Variants in GRIK2 observed in about 807,000 individuals in gnomAD.
GRIK2 encodes glutamate ionotropic receptor kainate type subunit 2, also known as glutamate receptor ionotropic, kainate 2.
GRIK2 carries 32 observed loss-of-function variants against 100.3 expected under a neutral mutation model. That is an observed-to-expected ratio of 0.32 (90% CI 0.24 to 0.43). The LOEUF is 0.43. Ranked by LOEUF, GRIK2 falls within the 20% of genes least tolerant of loss-of-function variation. GRIK2 has a pLI of 1.00. For synonymous variants in GRIK2, 417 were observed against 389.4 expected (o/e 1.07, Z -0.83); for missense variants, 843 against 1,114.9 (o/e 0.76, Z 3.47).
chr6:101,559,089 G>A lies in GRIK2; in HGVS notation c.116-62860G>A, dbSNP rs185595219. 2.4e-4 allele frequency among the ~76,000 whole-genome samples: 36 copies of A among 152,018 alleles called. 1 individual carries two copies. The East Asian group carries it at 6.4e-3, about 27-fold the overall frequency. Reference sequence around the variant, plus strand: ...CAGTCATTCTCTTAAAATACTTGCTGTGTCTTCTGATCCCTATTTTCATAC... The same window carrying A: ...CAGTCATTCTCTTAAAATACTTGCTATGTCTTCTGATCCCTATTTTCATAC... On this transcript the variant is annotated intron_variant, in intron 2 of 16. Coordinates refer to ENST00000369134, the MANE Select transcript of GRIK2 (RefSeq NM_021956.5).
intron 2 of GRIK2, among the ~76,000 whole-genome samples, chr6:101,491,742 T>C (rs1197542928): frequency 2.6e-5 from 4 of 151,994 alleles, no homozygotes; most frequent in African/African-American, 9.7e-5. Flanking sequence ...ATTATCTTTA[T>C]CACAACTACC....
intron 2 of GRIK2, among the ~76,000 whole-genome samples, chr6:101,449,323 C>T (rs905740900): frequency 6.6e-6 from 1 of 151,536 alleles, no homozygotes; most frequent in Non-Finnish European, 1.5e-5. Flanking sequence ...TTTTTAAAAA[C>T]AACTGCATTA....
At chr6:101,858,941 T>C (rs1388534031) in intron 10 of GRIK2, among the ~76,000 whole-genome samples, 2 of 151,868 alleles carry the variant, frequency 1.3e-5, no homozygotes, top group African/African-American at 4.8e-5. Context: ...CATGGTGAAA[T>C]TAGATGTCGG....
intron 11 of GRIK2, among the ~76,000 whole-genome samples, chr6:101,864,726 T>A (rs1453496095): frequency 2.0e-5 from 3 of 152,292 alleles, no homozygotes; most frequent in Non-Finnish European, 2.9e-5. Context: ...ATTTTGTCTA[T>A]TCAACCCCAT....
chr6:101,843,532 G>T (rs1783637222), intron 10 of GRIK2, among the ~76,000 whole-genome samples: 1 of 152,056 alleles, frequency 6.6e-6, no homozygotes, highest in African/African-American at 2.4e-5. Flanking sequence ...GAAAATGAGG[G>T]ATCTCTTGTT....
intron 10 of GRIK2, among the ~76,000 whole-genome samples, chr6:101,836,138 C>G (rs1220339016): frequency 2.0e-5 from 3 of 151,814 alleles, no homozygotes; most frequent in Non-Finnish European, 4.4e-5. Flanking sequence ...CATTCTGATT[C>G]TTAACCTTTT....
chr6:102,012,721 T>A (rs1795613574), intron 14 of GRIK2, among the ~76,000 whole-genome samples: 1 of 152,078 alleles, frequency 6.6e-6, no homozygotes, highest in South Asian at 2.1e-4. Flanking sequence ...TTCTAATTGT[T>A]TATTGGTTCC....
intron 2 of GRIK2, among the ~76,000 whole-genome samples, chr6:101,435,433 T>G (rs772252509): frequency 6.6e-6 from 1 of 151,966 alleles, no homozygotes; most frequent in Non-Finnish European, 1.5e-5. Context: ...AAACAGACTT[T>G]TAAAATTGGG....
intron 2 of GRIK2, among the ~76,000 whole-genome samples, chr6:101,441,565 T>C (rs1341931977): frequency 6.6e-6 from 1 of 152,162 alleles, no homozygotes; most frequent in East Asian, 1.9e-4. Flanking sequence ...CATCAATAGT[T>C]CCACCTTGAT....
At chr6:101,717,998 A>C (rs1309466437) in intron 7 of GRIK2, among the ~76,000 whole-genome samples, 1 of 151,816 alleles carries the variant, frequency 6.6e-6, no homozygotes, top group Non-Finnish European at 1.5e-5. Flanking sequence ...CATATTTAAT[A>C]ATAAAATATT....
rs3029100 is a variant in GRIK2, at chr6:101,960,048, G to GTTTTT, written c.2085+31420_2085+31421insTTTTT. Among the ~76,000 whole-genome samples the GTTTTT allele has an allele frequency of 2.1e-3, 244 of 118,198 alleles. 8 individuals carry two copies. Among genetic ancestry groups the GTTTTT allele is most frequent in the African/African-American group, 4.7e-3 (132 of 28,026 alleles). The allele number at this position is 118,198 out of a possible 152,430, so 77.5% of individuals were successfully genotyped here. On this transcript the variant is annotated intron_variant, in intron 14 of 16. Coordinates refer to ENST00000369134, the MANE Select transcript of GRIK2 (RefSeq NM_021956.5). ...TTATTTCTCAAAGCCTTTTTTTAGT[G>GTTTTT]TTTTGTTTTTTTTTTTTTGTCTGAC...
At chr6:101,616,476 C>T (rs1199699946) in intron 2 of GRIK2, among the ~76,000 whole-genome samples, 2 of 151,580 alleles carry the variant, frequency 1.3e-5, no homozygotes, top group Admixed American at 1.3e-4. Flanking sequence ...CATGAAATAC[C>T]TTCTATAGAA....
chr6:101,429,134 A>AT (rs1243122002), intron 2 of GRIK2, among the ~76,000 whole-genome samples: 2 of 152,170 alleles, frequency 1.3e-5, no homozygotes, highest in African/African-American at 4.8e-5. Context: ...TGTCCCCATA[A>AT]TACCTACTGA....
chr6:101,432,532 A>G (rs1471838674), intron 2 of GRIK2, among the ~76,000 whole-genome samples: 1 of 152,198 alleles, frequency 6.6e-6, no homozygotes, highest in African/African-American at 2.4e-5. Flanking sequence ...ACAAAGATGA[A>G]TGGGGTTCTG....
At chr6:101,700,860 G>T (rs1772843541) in intron 7 of GRIK2, among the ~76,000 whole-genome samples, 1 of 152,096 alleles carries the variant, frequency 6.6e-6, no homozygotes. Flanking sequence ...GAGCCCAGGG[G>T]GCTCAAAGGA....
In GRIK2 at chr6:101,836,669, T is replaced by A. The variant is rs1341899297; in HGVS notation, c.1317+18186T>A. ...TATATATATATATATATATTTTTTT[T>A]TTTTTTTTTTTTTTGAGACAGAGTC... On this transcript the variant is annotated intron_variant, in intron 10 of 16. Transcript: ENST00000369134. 1.0e-2 allele frequency among the ~76,000 whole-genome samples: 1,133 copies of A among 113,716 alleles called. 21 individuals are homozygous for A. Among genetic ancestry groups the A allele is most frequent in the African/African-American group, 0.012 (390 of 31,860 alleles). 74.6% of individuals were successfully genotyped at this position (113,716 alleles called of 152,430 possible). A position where few individuals can be genotyped will look rare whatever the true frequency, so the allele number is the denominator to read the frequency against.
At chr6:101,710,786 G>A (rs940689053) in intron 7 of GRIK2, among the ~76,000 whole-genome samples, 3 of 151,658 alleles carry the variant, frequency 2.0e-5, no homozygotes, top group Non-Finnish European at 4.4e-5. Flanking sequence ...CACCAGGGTG[G>A]AAATATTATT....
At chr6:101,646,423 T>C (rs1217921449) in intron 4 of GRIK2, among the ~76,000 whole-genome samples, 8 of 151,906 alleles carry the variant, frequency 5.3e-5, no homozygotes. Flanking sequence ...AGGTAAAAAG[T>C]AAGCATAATT....
intron 11 of GRIK2, among the ~76,000 whole-genome samples, chr6:101,872,650 T>C (rs1247622709): frequency 6.6e-6 from 1 of 151,808 alleles, no homozygotes; most frequent in Admixed American, 6.6e-5. Context: ...TGAGCACTCA[T>C]CAATAATTCC....
Sources: allele counts gnomAD v4.1 joint callset (sites outside exome capture counted in the v4.1 genomes callset), GRCh38; gene constraint gnomAD v4.1.1; transcripts MANE v1.5; gene names NCBI Gene and HGNC (gene_info 2026-07-23, HGNC 2026-07-21).